INPP4B: variants seen among roughly 807,000 people sequenced by gnomAD.
The protein encoded by INPP4B is inositol polyphosphate 4-phosphatase type II.
A neutral mutation model predicts 122.5 loss-of-function variants in INPP4B; 55 were observed. The observed-to-expected ratio is 0.45, with a 90% CI of 0.36 to 0.56. The LOEUF (loss-of-function observed/expected upper bound fraction) is 0.56. INPP4B is among the 20% of genes least tolerant of loss of function. INPP4B has a pLI of 0.00. For synonymous variants in INPP4B, 403 were observed against 388.7 expected, an observed-to-expected ratio of 1.04 and a Z score of -0.43; for missense variants, 1,000 against 1,097.7, an observed-to-expected ratio of 0.91 and a Z score of 1.26.
At chr4:142,764,587 G>T (rs1771809822) in intron 1 of INPP4B, among the ~76,000 whole-genome samples, 1 of 152,078 alleles carries the variant, frequency 6.6e-6, no homozygotes, top group Non-Finnish European at 1.5e-5. Context: ...GTTCTCCTAG[G>T]AACATATCAG....
At chr4:142,406,245 G>A (rs1033706055) in intron 5 of INPP4B, among the ~76,000 whole-genome samples, 3 of 152,190 alleles carry the variant, frequency 2.0e-5, no homozygotes, top group African/African-American at 7.2e-5. Context: ...GCTTGCTGCA[G>A]GCTGGAGCTA....
At chr4:142,235,474 T>G (rs1447348715) in intron 12 of INPP4B, among the ~76,000 whole-genome samples, 1 of 152,162 alleles carries the variant, frequency 6.6e-6, no homozygotes, top group African/African-American at 2.4e-5. Flanking sequence ...GAGGCTGGAG[T>G]GCAGTGGCGC....
Position 142,516,925 on chromosome 4 carries a change from C to T in INPP4B, c.-190-54199G>A, listed in dbSNP as rs1401059115. Among the ~76,000 whole-genome samples the T allele has an allele frequency of 2.0e-5, 3 of 152,218 alleles. No homozygotes were observed. In the East Asian group the frequency reaches 5.8e-4, roughly 29 times the overall value. ...ATAGCAACAGCTCGCTACTGTTACA[C>T]TCACAGAGGCATTGCACCACGGTCT... On this transcript the variant is annotated intron_variant, in intron 2 of 25. Transcript: ENST00000262992.
intron 3 of INPP4B, among the ~76,000 whole-genome samples, chr4:142,457,414 T>C (rs1277007759): frequency 6.6e-6 from 1 of 152,142 alleles, no homozygotes; most frequent in Admixed American, 6.5e-5. Flanking sequence ...GAATATTTAA[T>C]GACCTTTTGA....
At chr4:142,126,621 T>G (rs1299771074) in intron 18 of INPP4B, among the ~76,000 whole-genome samples, 2 of 152,128 alleles carry the variant, frequency 1.3e-5, no homozygotes, top group East Asian at 3.9e-4. Context: ...GAAAGAGGAA[T>G]GCAACAGAGC....
intron 2 of INPP4B, among the ~76,000 whole-genome samples, chr4:142,602,021 G>A (rs982643687): frequency 2.0e-5 from 3 of 149,892 alleles, no homozygotes; most frequent in African/African-American, 4.9e-5. Context: ...AATAAAGATC[G>A]GAGAAGAACT....
chr4:142,604,348 A>G (rs1740739658), intron 2 of INPP4B, among the ~76,000 whole-genome samples: 2 of 152,108 alleles, frequency 1.3e-5, no homozygotes, highest in Non-Finnish European at 1.5e-5. Context: ...TACTACTCCT[A>G]TTTATCATAA....
intron 9 of INPP4B, among the ~76,000 whole-genome samples, chr4:142,271,237 G>A (rs1745669060): frequency 6.6e-6 from 1 of 152,116 alleles, no homozygotes. Flanking sequence ...GCTACTGCAT[G>A]TTGTTTTTCA....
At chr4:142,153,259 AT>A (rs1815318158) in intron 17 of INPP4B, among the ~76,000 whole-genome samples, 1 of 152,180 alleles carries the variant, frequency 6.6e-6, no homozygotes. Flanking sequence ...GTGCACAACC[AT>A]TTTCAAACAC....
chr4:142,622,632 G>C (rs1006358848), intron 2 of INPP4B, among the ~76,000 whole-genome samples: 2 of 151,940 alleles, frequency 1.3e-5, no homozygotes, highest in African/African-American at 4.8e-5. Context: ...AGGGGAGAAA[G>C]AGAAAACTCA....
At chr4:142,468,787 C>A (rs979058367) in intron 2 of INPP4B, among the ~76,000 whole-genome samples, 1 of 152,094 alleles carries the variant, frequency 6.6e-6, no homozygotes, top group African/African-American at 2.4e-5. Context: ...CCTACAGAAC[C>A]ATAAGCCAAA....
chr4:142,340,743 A>G (rs1235648934), intron 7 of INPP4B, among the ~76,000 whole-genome samples: 5 of 152,120 alleles, frequency 3.3e-5, no homozygotes, highest in African/African-American at 1.2e-4. Context: ...GCCAGTGGGG[A>G]GGAACCTCGG....
intron 11 of INPP4B, among the ~76,000 whole-genome samples, chr4:142,255,033 G>C (rs1339607996): frequency 6.6e-6 from 1 of 152,104 alleles, no homozygotes; most frequent in South Asian, 2.1e-4. Flanking sequence ...AGCCAGAAGA[G>C]AGTGGGGGCC....
chr4:142,233,915 T>C (rs1253000958), intron 12 of INPP4B, among the ~76,000 whole-genome samples: 1 of 152,100 alleles, frequency 6.6e-6, no homozygotes, highest in East Asian at 1.9e-4. Context: ...TGTGTAATGG[T>C]TTCTGAGCTC....
At chr4:142,244,187 T>G (rs1278575703) in intron 11 of INPP4B, among the ~76,000 whole-genome samples, 1 of 151,800 alleles carries the variant, frequency 6.6e-6, no homozygotes, top group African/African-American at 2.4e-5. Flanking sequence ...CTGTGTTAGT[T>G]TGCTGAGAAT....
chr4:142,224,262 G>A (rs1850570276), intron 12 of INPP4B, among the ~76,000 whole-genome samples: 1 of 152,078 alleles, frequency 6.6e-6, no homozygotes, highest in Non-Finnish European at 1.5e-5. Context: ...GAGAGTCTGG[G>A]TCACTATGTA....
At chr4:142,625,969 T>C (rs1412052700) in intron 2 of INPP4B, among the ~76,000 whole-genome samples, 6 of 152,264 alleles carry the variant, frequency 3.9e-5, no homozygotes, top group Admixed American at 1.3e-4. Flanking sequence ...TTACGCCTTA[T>C]ACAAAAATTA....
intron 2 of INPP4B, chr4:142,654,367 T>TAAAAAAAAAAAAAAAAAAAA: frequency 9.9e-6 from 1 of 101,000 alleles, no homozygotes; most frequent in Non-Finnish European, 1.9e-5. Flanking sequence ...ACTTAAAGTA[T>TAAAAAAAAAAAAAAAAAAAA]AAAAAAAAAA....
intron 14 of INPP4B, among the ~76,000 whole-genome samples, chr4:142,205,321 A>G (rs1842198933): frequency 6.6e-6 from 1 of 152,136 alleles, no homozygotes. Flanking sequence ...TGGTTTGATG[A>G]CACTGTCATC....
Sources: gnomAD v4.1 joint callset for allele counts (sites outside exome capture counted in the v4.1 genomes callset) on GRCh38, gnomAD v4.1.1 for gene constraint, MANE v1.5 for transcripts, NCBI Gene and HGNC (gene_info 2026-07-23, HGNC 2026-07-21) for gene names.